Variants in EPHX2 observed in about 807,000 individuals in gnomAD.
EPHX2 encodes the protein epoxide hydrolase 2.
A neutral mutation model predicts 78.7 loss-of-function variants in EPHX2; 74 were observed. The ratio of observed to expected loss-of-function variants is 0.94; its 90% CI spans 0.78 to 1.14. The LOEUF (loss-of-function observed/expected upper bound fraction) is 1.14. Ranked by LOEUF, EPHX2 falls within the 50% of genes most tolerant of loss-of-function variation. EPHX2 has a pLI of 0.00. For synonymous variants in EPHX2, 251 were observed against 255.2 expected, an observed-to-expected ratio of 0.98 and a Z score of 0.16; for missense variants, 715 against 702.5, an observed-to-expected ratio of 1.02 and a Z score of -0.20.
chr8:27,541,441 C>T (rs982101870), intron 15 of EPHX2, 32 bp from the exon 16 acceptor site: 21 of 1,610,634 alleles, frequency 1.3e-5, no homozygotes, highest in Non-Finnish European at 1.6e-5. Flanking sequence ...TACTTACTGC[C>T]TCCCTCTTTT....
intron 13 of EPHX2, 147 bp downstream of exon 13, chr8:27,537,002 C>T (rs1251683170): frequency 1.3e-6 from 1 of 743,000 alleles, no homozygotes; most frequent in Non-Finnish European, 2.1e-6. Flanking sequence ...CCTCACTCTA[C>T]TGGGAAAATT....
At chr8:27,498,472 G>T (rs1233048666) in intron 1 of EPHX2, among the ~76,000 whole-genome samples, 2 of 151,786 alleles carry the variant, frequency 1.3e-5, no homozygotes, top group African/African-American at 4.8e-5. Flanking sequence ...TCTTCTTCCT[G>T]TATAGTTATA....
chr8:27,501,047 A>G (rs1435316675), intron 2 of EPHX2, 37 bp downstream of exon 2: 2 of 1,578,636 alleles, frequency 1.3e-6, no homozygotes, highest in Non-Finnish European at 1.7e-6. Context: ...CTTTGGATGA[A>G]CGTTCTCTGC....
chr8:27,536,888 A>G, intron 13 of EPHX2, 33 bp downstream of exon 13: 1 of 1,611,988 alleles, frequency 6.2e-7, no homozygotes, highest in East Asian at 2.2e-5. Flanking sequence ...GAAGAACAGG[A>G]GGGGGCAGTT....
intron 9 of EPHX2, among the ~76,000 whole-genome samples, chr8:27,518,654 G>T (rs904096929): frequency 2.6e-5 from 4 of 152,360 alleles, no homozygotes; most frequent in African/African-American, 9.6e-5. Flanking sequence ...GTTGGCTGGG[G>T]AACTAGTAAT....
Position 27,522,442 on chromosome 8 carries a change from T to A in EPHX2, c.992T>A (p.Phe331Tyr). 6.2e-7 allele frequency: 1 copy of A among 1,614,026 alleles called. No individual in the cohort carries two copies. The highest frequency in any genetic ancestry group is 8.5e-7 in the Non-Finnish European group (1 of 1,179,972). The change falls in exon 11 of 19, where the codon TTC becomes TAC. Residue 331 changes from phenylalanine to tyrosine, a missense_variant. Coordinates refer to ENST00000521400, the MANE Select transcript of EPHX2 (RefSeq NM_001979.6). ...LDKLGLSQAV[F>Y]IGHDWGGMLV... ...CTCTAGGGCCTCTCTCAAGCAGTGT[T>A]CATTGGCCATGACTGGGGTGGCATG...
intron 4 of EPHX2, among the ~76,000 whole-genome samples, chr8:27,505,675 C>T (rs1813979441): frequency 6.6e-6 from 1 of 152,204 alleles, no homozygotes; most frequent in Non-Finnish European, 1.5e-5. Flanking sequence ...CAACCCCCCA[C>T]CTCCCCACAA....
chr8:27,541,653 G>T, intron 16 of EPHX2, 111 bp downstream of exon 16: 2 of 1,089,596 alleles, frequency 1.8e-6, no homozygotes, highest in South Asian at 1.3e-5. Context: ...GGACAGATCT[G>T]CTGGCCACCT....
intron 6 of EPHX2, among the ~76,000 whole-genome samples, chr8:27,514,779 C>T (rs2132742647): frequency 6.6e-6 from 1 of 152,068 alleles, no homozygotes; most frequent in East Asian, 1.9e-4. Flanking sequence ...GAGACACTGG[C>T]CGGAGCTCAC....
intron 1 of EPHX2, 71 bp downstream of exon 1, chr8:27,491,380 C>G (rs1813373180): frequency 8.4e-7 from 1 of 1,196,356 alleles, no homozygotes; most frequent in African/African-American, 1.6e-5. Flanking sequence ...GGCTTGCAGC[C>G]CAGCTTTCAG....
intron 6 of EPHX2, 189 bp downstream of exon 6, chr8:27,512,099 A>AG: frequency 2.6e-6 from 1 of 384,012 alleles, no homozygotes; most frequent in East Asian, 4.3e-5. Context: ...CCCTGTCTCA[A>AG]GAAAAAAAAA....
chr8:27,533,602 T>C (rs923456171), intron 12 of EPHX2, among the ~76,000 whole-genome samples: 4 of 152,176 alleles, frequency 2.6e-5, no homozygotes, highest in South Asian at 2.1e-4. Context: ...CTGATTTTTT[T>C]TAAGAGACAG....
At chr8:27,533,403 G>T (rs1360895667) in intron 12 of EPHX2, among the ~76,000 whole-genome samples, 1 of 152,152 alleles carries the variant, frequency 6.6e-6, no homozygotes, top group African/African-American at 2.4e-5. Context: ...ATTTGTCATT[G>T]GTCTGTAGGA....
rs780982081 is a variant in EPHX2 at position 27,500,518 on chromosome 8, G to A, written c.102-408G>A. 2.4e-4 allele frequency among the ~76,000 whole-genome samples: 37 copies of A among 152,234 alleles called. No individual in the cohort carries two copies. In the South Asian group the frequency reaches 3.3e-3, roughly 14 times the overall value. ...AAATAGAAACTAGAGAGGCAGAATC[G>A]AAACCACAAAAAACATATTCCATTC... On this transcript the variant is annotated intron_variant, in intron 1 of 18. Transcript: ENST00000521400.
At chr8:27,523,205 C>T (rs561844639) in intron 11 of EPHX2, among the ~76,000 whole-genome samples, 2 of 152,268 alleles carry the variant, frequency 1.3e-5, no homozygotes, top group South Asian at 2.1e-4. Context: ...CACATCACTT[C>T]GCTTCTTAGG....
chr8:27,504,917 G>C (rs755181721), intron 3 of EPHX2, 39 bp from the exon 4 acceptor site: 1 of 1,608,590 alleles, frequency 6.2e-7, no homozygotes, highest in Non-Finnish European at 8.5e-7. Context: ...CAGGGCAAAG[G>C]TCTGTAGCTG....
In EPHX2 at chr8:27,503,753, C is replaced by G. The variant is rs1563341976; in HGVS notation, c.336C>G (p.Leu112=). The G allele has an allele frequency of 1.9e-6, 3 of 1,611,766 alleles. No homozygotes were observed. The East Asian group carries it at 6.7e-5, about 36-fold the overall frequency. ...CCATGCTCCAGGCAGCTCTCATGCT[C>G]AGGAAGAAAGGTAAGGATCTGATAC... ...NRPMLQAALM[L]RKKGFTTAIL... is the part of the protein sequence containing the mutation. Residue 112 remains leucine (L), a synonymous_variant, in exon 3 of 19, where the codon CTC becomes CTG. Transcript: ENST00000521400.
intron 7 of EPHX2, 57 bp downstream of exon 7, chr8:27,515,870 G>T: frequency 2.0e-6 from 3 of 1,467,974 alleles, no homozygotes; most frequent in Non-Finnish European, 2.9e-6. Context: ...AGTCTAGATG[G>T]TGTGGTCCGA....
intron 4 of EPHX2, among the ~76,000 whole-genome samples, chr8:27,505,668 C>A (rs1387707716): frequency 6.6e-6 from 1 of 152,184 alleles, no homozygotes; most frequent in African/African-American, 2.4e-5. Flanking sequence ...ACATTTCCAA[C>A]CCCCCACCTC....
Sources: gnomAD v4.1 joint callset for allele counts (sites outside exome capture counted in the v4.1 genomes callset) on GRCh38, gnomAD v4.1.1 for gene constraint, MANE v1.5 for transcripts, NCBI Gene and HGNC (gene_info 2026-07-23, HGNC 2026-07-21) for gene names.